The following FANCC variants were observed in gnomAD, a reference collection of about 807,000 sequenced individuals.
FANCC encodes the protein Fanconi anemia group C protein.
Under a neutral mutation model 71.3 loss-of-function variants are expected in FANCC, and 55 were observed. The observed-to-expected ratio is 0.77, with a 90% CI of 0.62 to 0.97. The LOEUF (loss-of-function observed/expected upper bound fraction) is 0.97. Ranked by LOEUF, FANCC falls within the 50% of genes least tolerant of loss-of-function variation. The pLI, the probability that FANCC is intolerant of heterozygous loss-of-function variation, is 0.00. For missense variants in FANCC, 678 were observed against 670.9 expected, an observed-to-expected ratio of 1.01 and a Z score of -0.12; for synonymous variants, 275 against 244.9, an observed-to-expected ratio of 1.12 and a Z score of -1.15.
At chr9:95,143,408 T>C (rs1829057621) in intron 7 of FANCC, among the ~76,000 whole-genome samples, 1 of 152,126 alleles carries the variant, frequency 6.6e-6, no homozygotes, top group African/African-American at 2.4e-5. Context: ...GTTGGTTCCT[T>C]TGGCTACCAG....
chr9:95,239,943 G>C (rs540196047), intron 4 of FANCC, among the ~76,000 whole-genome samples: 3 of 152,330 alleles, frequency 2.0e-5, no homozygotes, highest in South Asian at 2.1e-4. Flanking sequence ...AGCCAGTCCT[G>C]GGGTTGCTGC....
chr9:95,248,497 G>T (rs1183600481), intron 2 of FANCC, among the ~76,000 whole-genome samples: 2 of 152,084 alleles, frequency 1.3e-5, no homozygotes, highest in East Asian at 3.8e-4. Flanking sequence ...TTGATTAAGG[G>T]AAGAAAAGCT....
intron 1 of FANCC, among the ~76,000 whole-genome samples, chr9:95,250,429 G>A (rs922693763): frequency 6.6e-6 from 1 of 152,126 alleles, no homozygotes; most frequent in Non-Finnish European, 1.5e-5. Context: ...AATTTGAAAC[G>A]ACTGTACAAT....
In FANCC at chr9:95,229,276, C is replaced by T. The variant is rs151279544; in HGVS notation, c.345+11373G>A. ...TCACACCACTGCACTTCAGCCTGAGCGACAGGGTGAGATTCCTTCTCAAAA... is the reference window on the plus strand; with the variant it reads ...TCACACCACTGCACTTCAGCCTGAGTGACAGGGTGAGATTCCTTCTCAAAA... On this transcript the variant is annotated intron_variant, in intron 4 of 14. Transcript: ENST00000289081. 3.2e-3 allele frequency among the ~76,000 whole-genome samples: 435 copies of T among 137,440 alleles called. 3 individuals are homozygous for T. Among genetic ancestry groups the T allele is most frequent in the African/African-American group, 0.011 (413 of 36,276 alleles). The allele number at this position is 137,440 out of a possible 152,430, so 90.2% of individuals were successfully genotyped here.
intron 13 of FANCC, among the ~76,000 whole-genome samples, chr9:95,108,715 T>C (rs1301886287): frequency 2.6e-5 from 4 of 152,240 alleles, no homozygotes; most frequent in Non-Finnish European, 4.4e-5. Flanking sequence ...AGAAGAACCA[T>C]TAAAATGATC....
intron 2 of FANCC, among the ~76,000 whole-genome samples, chr9:95,247,894 T>C (rs994803771): frequency 1.6e-4 from 24 of 152,218 alleles, no homozygotes; most frequent in African/African-American, 5.8e-4. Context: ...CGTATCTTTA[T>C]CCTGGTTTTT....
intron 4 of FANCC, among the ~76,000 whole-genome samples, 186 bp downstream of exon 4, chr9:95,240,463 A>G (rs1295175576): frequency 2.0e-5 from 3 of 152,250 alleles, no homozygotes; most frequent in Non-Finnish European, 4.4e-5. Context: ...TTCACAGTCA[A>G]GCAAAATTGA....
chr9:95,253,816 T>C (rs553374228), intron 1 of FANCC, among the ~76,000 whole-genome samples: 1 of 152,136 alleles, frequency 6.6e-6, no homozygotes, highest in South Asian at 2.1e-4. Context: ...GGGGGGGATG[T>C]GTTTGTGGGA....
chr9:95,247,572 T>C, intron 2 of FANCC, 56 bp from the exon 3 acceptor site: 2 of 1,087,258 alleles, frequency 1.8e-6, no homozygotes, highest in South Asian at 1.2e-5. Context: ...TTAGAAATAC[T>C]GAACTGACAT....
intron 7 of FANCC, among the ~76,000 whole-genome samples, chr9:95,146,744 T>C (rs1829621292): frequency 6.6e-6 from 1 of 151,908 alleles, no homozygotes; most frequent in East Asian, 1.9e-4. Flanking sequence ...CACTCGTAAC[T>C]TGGAGTCATG....
At chr9:95,127,336 C>T (rs1390385912) in intron 8 of FANCC, 1 of 152,268 alleles carries the variant, frequency 6.6e-6, no homozygotes. Flanking sequence ...TGTTCCAAAA[C>T]AGATCCTTTA....
intron 8 of FANCC, among the ~76,000 whole-genome samples, chr9:95,131,680 C>T (rs1346921011): frequency 1.3e-5 from 2 of 152,174 alleles, no homozygotes; most frequent in African/African-American, 4.8e-5. Flanking sequence ...CATTAAAGAG[C>T]TCAAAAGGAA....
intron 4 of FANCC, among the ~76,000 whole-genome samples, chr9:95,197,960 G>A (rs1281785707): frequency 6.6e-6 from 1 of 152,190 alleles, no homozygotes; most frequent in Non-Finnish European, 1.5e-5. Context: ...CAAATTCCAG[G>A]AGTCCCTAGA....
At position 95,100,724 on chromosome 9, in the gene FANCC, G is replaced by C; in HGVS notation, c.*983C>G. ...CGGCTCACTACAACTCCCACCTCCC[G>C]GGTTCAAGAGATCCTCATGCCTCAG... On this transcript the variant is annotated 3_prime_UTR_variant, in exon 15 of 15. Transcript: ENST00000289081. 4.4e-6 allele frequency: 1 copy of C among 227,110 alleles called. No individual in the cohort carries two copies. Among genetic ancestry groups the C allele is most frequent in the Non-Finnish European group, 8.8e-6 (1 of 114,168 alleles). 14.1% of individuals were successfully genotyped at this position (227,110 alleles called of 1,614,324 possible).
intron 12 of FANCC, chr9:95,114,259 C>A: frequency 2.9e-6 from 1 of 350,034 alleles, no homozygotes; most frequent in Non-Finnish European, 5.6e-6. Flanking sequence ...AGGACCCAAA[C>A]AAGTGCCCTT....
chr9:95,126,867 T>C, intron 8 of FANCC: 1 of 405,062 alleles, frequency 2.5e-6, no homozygotes, highest in Non-Finnish European at 4.6e-6. Context: ...AATCAGTAAG[T>C]ATTAGAGAAA....
intron 13 of FANCC, chr9:95,109,858 C>G (rs1467633038): frequency 1.3e-5 from 2 of 152,254 alleles, no homozygotes; most frequent in East Asian, 3.8e-4. Flanking sequence ...TCAAGCCTCC[C>G]AACAGACCAT....
intron 4 of FANCC, among the ~76,000 whole-genome samples, chr9:95,205,649 C>T (rs1828077712): frequency 6.6e-6 from 1 of 151,676 alleles, no homozygotes; most frequent in Non-Finnish European, 1.5e-5. Context: ...AAAATAACTC[C>T]TCCCGAGAGA....
intron 4 of FANCC, among the ~76,000 whole-genome samples, chr9:95,238,917 T>C (rs953527319): frequency 1.3e-5 from 2 of 152,154 alleles, no homozygotes; most frequent in Non-Finnish European, 2.9e-5. Flanking sequence ...ATAAAAACCT[T>C]CTATAGTCAT....
Sources: gnomAD v4.1 joint callset for allele counts (sites outside exome capture counted in the v4.1 genomes callset) on GRCh38, gnomAD v4.1.1 for gene constraint, MANE v1.5 for transcripts, NCBI Gene and HGNC (gene_info 2026-07-23, HGNC 2026-07-21) for gene names.